MORF4L2: variants seen among roughly 807,000 people sequenced by gnomAD.
MORF4L2 encodes mortality factor 4 like 2, also known as mortality factor 4-like protein 2.
A neutral mutation model predicts 12.0 loss-of-function variants in MORF4L2; 1 was observed. The observed-to-expected ratio is 0.08, with a 90% confidence interval of 0.03 to 0.40. The LOEUF is 0.40. MORF4L2 is among the 10% of genes least tolerant of loss of function. The pLI is 0.98. For synonymous variants in MORF4L2, 69 were observed against 81.6 expected, an observed-to-expected ratio of 0.85 and a Z score of 0.83; for missense variants, 123 against 214.0, an observed-to-expected ratio of 0.57 and a Z score of 2.65.
At chrX:103,681,134 A>T (rs990734154) in intron 2 of MORF4L2, among the ~76,000 whole-genome samples, 1 of 111,510 alleles carries the variant, frequency 9.0e-6, no homozygotes, top group Non-Finnish European at 1.9e-5. Flanking sequence ...ACATGGAGAA[A>T]ATGAGGGCAC....
intron 2 of MORF4L2, among the ~76,000 whole-genome samples, chrX:103,679,769 A>G (rs1294697224): frequency 9.8e-6 from 1 of 102,176 alleles, no homozygotes; most frequent in African/African-American, 3.6e-5. Context: ...CCCAGCAGCC[A>G]TTCTGTAGCC....
At chrX:103,684,961 A>C (rs912138650) in intron 2 of MORF4L2, 1 of 112,712 alleles carries the variant, frequency 8.9e-6, no homozygotes, top group African/African-American at 3.2e-5. Context: ...AGTATCTTTT[A>C]TCAAGGGATG....
chrX:103,679,111 C>T (rs1484667122), intron 2 of MORF4L2, among the ~76,000 whole-genome samples: 1 of 111,070 alleles, frequency 9.0e-6, no homozygotes, highest in Non-Finnish European at 1.9e-5. Flanking sequence ...ATGAATTAAG[C>T]AGAGATCTGT....
Position 103,676,587 on chromosome X carries a change from A to C in MORF4L2, c.441T>G (p.Phe147Leu). ...WDLVTRQKQLFQLPAKKNVDA... is the reference protein window; with the variant it reads ...WDLVTRQKQLLQLPAKKNVDA... ...CTACATTTTTCTTGGCAGGGAGTTGAAACAGCTGCTTCTGCCTGGTAACTA... is the reference window on the plus strand; with the variant it reads ...CTACATTTTTCTTGGCAGGGAGTTGCAACAGCTGCTTCTGCCTGGTAACTA... The change falls in exon 4 of 4, where the codon TTT becomes TTG. Residue 147 changes from phenylalanine (F) to leucine (L), a missense_variant. By Grantham distance (22) the Phe-to-Leu change is conservative. Coordinates refer to ENST00000441076, the MANE Select transcript of MORF4L2 (RefSeq NM_012286.3). The C allele has an allele frequency of 8.3e-7, 1 of 1,211,249 alleles. No homozygotes were observed. Among genetic ancestry groups the C allele is most frequent in the Non-Finnish European group, 1.1e-6 (1 of 895,294 alleles).
At chrX:103,684,017 A>G (rs1047458771) in intron 2 of MORF4L2, among the ~76,000 whole-genome samples, 5 of 112,107 alleles carry the variant, frequency 4.5e-5, no homozygotes, top group Non-Finnish European at 7.5e-5. Flanking sequence ...AGAGAGAAAA[A>G]AAAGGAAATT....
At chrX:103,677,769 G>A (rs1479766121) in intron 3 of MORF4L2, among the ~76,000 whole-genome samples, 1 of 112,022 alleles carries the variant, frequency 8.9e-6, no homozygotes, top group East Asian at 2.8e-4. Context: ...AATATCTAAA[G>A]TGACAATTAT....
Position 103,675,794 on chromosome X carries a change from G to A in MORF4L2, c.*367C>T, listed in dbSNP as rs752984480. ...ATGGGTTTTCAGGTATATACATTAA[G>A]TTGAACCTTTGGCACTAGGAATCAG... is the stretch of plus-strand genomic sequence containing the variant. On this transcript the variant is annotated 3_prime_UTR_variant, in exon 4 of 4. Transcript: ENST00000441076. 25 of 126,607 alleles carry A rather than the reference G, an allele frequency of 2.0e-4. No homozygotes were observed. The highest frequency in any genetic ancestry group is 3.1e-4 in the Non-Finnish European group (20 of 63,758). 10.4% of individuals were successfully genotyped at this position (126,607 alleles called of 1,213,427 possible). A position where few individuals can be genotyped will look rare whatever the true frequency, so the allele number is the denominator to read the frequency against.
chrX:103,678,117 A>G (rs997061486), intron 3 of MORF4L2, among the ~76,000 whole-genome samples: 1 of 110,657 alleles, frequency 9.0e-6, no homozygotes, highest in Non-Finnish European at 1.9e-5. Context: ...ACAAAAAAAA[A>G]AAAATAAAGC....
chrX:103,681,587 A>C (rs1023528980), intron 2 of MORF4L2, among the ~76,000 whole-genome samples: 1 of 111,767 alleles, frequency 8.9e-6, no homozygotes, highest in African/African-American at 3.3e-5. Context: ...TAAGACTCTC[A>C]GAAGCGGGCT....
At position 103,676,248 on chromosome X, in the gene MORF4L2, T is replaced by C; in HGVS notation, c.780A>G (p.Leu260=). ...ALLLGYLHDF[L]KYLAKNSASL... The stretch of plus-strand genomic sequence containing the variant: ...ATGCAGAATTCTTTGCCAGATATTT[T>C]AGGAAATCATGCAAATAGCCCAACA... The change falls in exon 4 of 4, where the codon CTA becomes CTG. Residue 260 remains leucine, a synonymous_variant. Transcript: ENST00000441076. 8.3e-7 allele frequency: 1 copy of C among 1,211,236 alleles called. No individual in the cohort carries two copies. Among genetic ancestry groups the C allele is most frequent in the Non-Finnish European group, 1.1e-6 (1 of 895,012 alleles).
intron 1 of MORF4L2, among the ~76,000 whole-genome samples, chrX:103,686,035 T>C (rs966079129): frequency 9.1e-6 from 1 of 110,144 alleles, no homozygotes; most frequent in Non-Finnish European, 1.9e-5. Flanking sequence ...ACAGTTGGTG[T>C]GTTCGATTCA....
intron 2 of MORF4L2, among the ~76,000 whole-genome samples, chrX:103,680,440 G>A (rs1160198987): frequency 8.9e-6 from 1 of 112,511 alleles, no homozygotes; most frequent in African/African-American, 3.2e-5. Context: ...AGAGGGACAC[G>A]GAGACACATC....
chrX:103,681,853 C>G lies in MORF4L2; in HGVS notation c.-177-3202G>C, dbSNP rs115898710. ...AGTTTGCAAGTCATGAACTGACAATCTTCGTTCACCTCAAGTAATTAGATC... is the reference window on the plus strand; with the variant it reads ...AGTTTGCAAGTCATGAACTGACAATGTTCGTTCACCTCAAGTAATTAGATC... On this transcript the variant is annotated intron_variant, in intron 2 of 3. Transcript: ENST00000441076. 2.7e-5 allele frequency among the ~76,000 whole-genome samples: 3 copies of G among 111,233 alleles called. No homozygotes were observed. In the East Asian group the frequency reaches 8.3e-4, roughly 31 times the overall value.
chrX:103,683,587 CATATT>C (rs2074036744), intron 2 of MORF4L2, among the ~76,000 whole-genome samples: 1 of 112,261 alleles, frequency 8.9e-6, no homozygotes, highest in African/African-American at 3.2e-5. Flanking sequence ...AGTGATTTCA[CATATT>C]ATGTGATTAA....
intron 1 of MORF4L2, chrX:103,685,513 G>T (rs995291767): frequency 3.6e-5 from 4 of 111,403 alleles, no homozygotes; most frequent in African/African-American, 1.3e-4. Flanking sequence ...AAATAAAAAA[G>T]AAATAGTATT....
intron 2 of MORF4L2, among the ~76,000 whole-genome samples, chrX:103,679,881 AAAAAGAAAAG>A (rs1556144426): frequency 4.1e-5 from 2 of 48,997 alleles, no homozygotes; most frequent in African/African-American, 2.2e-4. Flanking sequence ...AAAAAAAAAA[AAAAAGAAAAG>A]AAAAGAAAAC....
chrX:103,683,225 C>T (rs2074027814), intron 2 of MORF4L2, among the ~76,000 whole-genome samples: 1 of 111,299 alleles, frequency 9.0e-6, no homozygotes, highest in African/African-American at 3.3e-5. Flanking sequence ...TTATAGGCGC[C>T]CACCTGTATT....
chrX:103,683,659 T>C (rs915878528), intron 2 of MORF4L2, among the ~76,000 whole-genome samples: 5 of 112,334 alleles, frequency 4.5e-5, no homozygotes, highest in African/African-American at 1.3e-4. Context: ...GATCTACTTT[T>C]ATTCATGGAT....
chrX:103,681,895 AT>A (rs2073993472), intron 2 of MORF4L2, among the ~76,000 whole-genome samples: 1 of 111,226 alleles, frequency 9.0e-6, no homozygotes, highest in South Asian at 3.8e-4. Flanking sequence ...TACCATTTAT[AT>A]TTCCTTTTTA....
Sources: allele counts gnomAD v4.1 joint callset (sites outside exome capture counted in the v4.1 genomes callset), GRCh38; gene constraint gnomAD v4.1.1; transcripts MANE v1.5; gene names NCBI Gene and HGNC (gene_info 2026-07-23, HGNC 2026-07-21).